Variants in ZNF185 observed in about 807,000 individuals in gnomAD.
The protein encoded by ZNF185 is zinc finger protein 185 with LIM domain.
ZNF185 carries 56 observed loss-of-function variants against 58.6 expected under a neutral mutation model. The observed-to-expected ratio is 0.95, with a 90% CI of 0.77 to 1.19. The LOEUF is 1.19. Ranked by LOEUF, ZNF185 falls within the 50% of genes most tolerant of loss-of-function variation. ZNF185 has a pLI of 0.00. For missense variants in ZNF185, 627 were observed against 573.5 expected, an observed-to-expected ratio of 1.09 and a Z score of -0.95; for synonymous variants, 230 against 215.9, an observed-to-expected ratio of 1.07 and a Z score of -0.57.
chrX:152,970,241 C>T (rs193300133), intron 21 of ZNF185, among the ~76,000 whole-genome samples: 2 of 110,871 alleles, frequency 1.8e-5, no homozygotes, highest in Non-Finnish European at 3.8e-5. Context: ...TTACTACTCC[C>T]TACTGAAAAA....
intron 14 of ZNF185, among the ~76,000 whole-genome samples, chrX:152,936,203 C>A (rs1242086178): frequency 1.8e-5 from 2 of 112,795 alleles, no homozygotes; most frequent in Non-Finnish European, 3.7e-5. Flanking sequence ...TGGGAGATAG[C>A]AAAGCCATGA....
In ZNF185 at chrX:152,920,990, C is replaced by A. The variant is rs1248273934; in HGVS notation, c.656+242C>A. ...TTGCCAATGGCTAATGGGGCTGGGC[C>A]CCTGACCCAACGTGGAGCATTTCCA... On this transcript the variant is annotated intron_variant, in intron 9 of 22. Transcript: ENST00000449285. Among the ~76,000 whole-genome samples the A allele has an allele frequency of 6.2e-5, 7 of 112,590 alleles. No individual in the cohort carries two copies. In the Admixed American group the frequency reaches 6.5e-4, roughly 10 times the overall value.
upstream of ZNF185, among the ~76,000 whole-genome samples, chrX:152,912,159 A>G (rs899603830): frequency 1.9e-4 from 21 of 112,080 alleles, no homozygotes; most frequent in African/African-American, 6.5e-4. Context: ...TGTCTCATCA[A>G]AAAAGAAATT....
At chrX:152,920,786 T>C (rs1461919073) in intron 9 of ZNF185, 38 bp downstream of exon 10, 1 of 1,202,620 alleles carries the variant, frequency 8.3e-7, no homozygotes, top group African/African-American at 1.7e-5. Context: ...GGCCTGTTAC[T>C]GGCCACAGGA....
intron 7 of ZNF185, among the ~76,000 whole-genome samples, chrX:152,919,673 CAGGA>C (rs782181252): frequency 1.8e-5 from 2 of 112,606 alleles, no homozygotes; most frequent in African/African-American, 6.5e-5. Flanking sequence ...TGAACTATGA[CAGGA>C]AGGGTTTGTT....
chrX:152,947,994 G>A (rs930512906), intron 16 of ZNF185, among the ~76,000 whole-genome samples: 23 of 112,506 alleles, frequency 2.0e-4, no homozygotes, highest in Non-Finnish European at 3.6e-4. Flanking sequence ...GAGAAGCAAA[G>A]GCAGATGGAC....
chrX:152,901,289 T>C, the ZNF185 span, among the ~76,000 whole-genome samples: 1 of 106,116 alleles, frequency 9.4e-6, no homozygotes, highest in East Asian at 2.9e-4. Flanking sequence ...TCACCCAGGC[T>C]GGTGTACAGT....
chrX:152,934,774 A>C (rs782117963), intron 14 of ZNF185, among the ~76,000 whole-genome samples: 1 of 111,963 alleles, frequency 8.9e-6, no homozygotes, highest in Non-Finnish European at 1.9e-5. Context: ...GTACAGATGC[A>C]GCCATCCTAT....
chrX:152,936,444 C>A lies in ZNF185; in HGVS notation c.1122-1630C>A, dbSNP rs1379330814. The A allele has an allele frequency of 4.3e-6, 5 of 1,165,382 alleles. No homozygotes were observed. The African/African-American group carries it at 7.2e-5, about 17-fold the overall frequency. Reference sequence around the variant, plus strand: ...CTGTGTGCAGCTGCTAGCTTTGCCTCTTTCCTGGAAGACCAGGATGGGCAC... The same window carrying A: ...CTGTGTGCAGCTGCTAGCTTTGCCTATTTCCTGGAAGACCAGGATGGGCAC... On this transcript the variant is annotated intron_variant, in intron 14 of 22. Transcript: ENST00000449285.
intron 19 of ZNF185, 44 bp from the exon 22 acceptor site, chrX:152,967,123 G>A: frequency 8.9e-7 from 1 of 1,128,942 alleles, no homozygotes; most frequent in Non-Finnish European, 1.2e-6. Context: ...ATAGTGATTT[G>A]GCTCTCATCT....
rs111310453 is a variant in ZNF185 at position 152,920,105 on chromosome X, G to A, written c.531-223G>A. ...CAATGCGAGGATGTTGGCATCTGGC[G>A]CAGAGCCGGGCACATGCCACATGCT... On this transcript the variant is annotated intron_variant, in intron 7 of 22. Transcript: ENST00000449285. Among the ~76,000 whole-genome samples, 418 of 113,354 alleles carry A rather than the reference G, an allele frequency of 3.7e-3. 1 individual carries two copies. The highest frequency in any genetic ancestry group is 6.0e-3 in the Non-Finnish European group (320 of 53,405).
At chrX:152,903,657 C>T in the ZNF185 span, among the ~76,000 whole-genome samples, 1 of 111,490 alleles carries the variant, frequency 9.0e-6, no homozygotes, top group Non-Finnish European at 1.9e-5. Flanking sequence ...GGTCCCTGCC[C>T]AGCCCTCTGT....
rs1372974505 is a variant in ZNF185, at chrX:152,932,378, C to T, written c.1023-495C>T. 6.2e-5 allele frequency among the ~76,000 whole-genome samples: 7 copies of T among 112,575 alleles called. No individual in the cohort carries two copies. The Admixed American group carries it at 6.5e-4, about 11-fold the overall frequency. Reference sequence around the variant, plus strand: ...CCCCAGTCGCTGCACAGCCAGCCCACTGACCTGTCCTCCAAGCCAGACCAG... The same window carrying T: ...CCCCAGTCGCTGCACAGCCAGCCCATTGACCTGTCCTCCAAGCCAGACCAG... On this transcript the variant is annotated intron_variant, in intron 13 of 22. Transcript: ENST00000449285.
chrX:152,907,491 G>A, the ZNF185 span, among the ~76,000 whole-genome samples: 23 of 113,286 alleles, frequency 2.0e-4, no homozygotes, highest in East Asian at 6.4e-3. Flanking sequence ...ATTCAGGGAA[G>A]GCCTGTCCTC....
intron 11 of ZNF185, among the ~76,000 whole-genome samples, chrX:152,927,642 C>G (rs1941117713): frequency 8.9e-6 from 1 of 111,928 alleles, no homozygotes; most frequent in Non-Finnish European, 1.9e-5. Context: ...TTCAGCTGGC[C>G]TGGGTCGGGC....
chrX:152,936,249 G>A (rs2046269846), intron 14 of ZNF185, among the ~76,000 whole-genome samples, 169 bp from the exon 16 acceptor site: 2 of 112,743 alleles, frequency 1.8e-5, no homozygotes, highest in Admixed American at 1.9e-4. Context: ...ATGCCACAGA[G>A]CCCCAGGTGT....
intron 9 of ZNF185, among the ~76,000 whole-genome samples, chrX:152,921,668 A>G (rs1939754015): frequency 9.0e-6 from 1 of 111,542 alleles, no homozygotes; most frequent in Admixed American, 9.5e-5. Context: ...AGGTGTTAGC[A>G]GGGTGGGTTC....
intron 14 of ZNF185, among the ~76,000 whole-genome samples, chrX:152,933,335 C>T (rs1057110651): frequency 4.5e-5 from 5 of 112,016 alleles, no homozygotes; most frequent in African/African-American, 9.7e-5. Context: ...ATGGAAGAGT[C>T]GGCACCTTCT....
At chrX:152,924,579 G>A (rs185086858) in intron 11 of ZNF185, among the ~76,000 whole-genome samples, 1 of 112,245 alleles carries the variant, frequency 8.9e-6, no homozygotes, top group African/African-American at 3.2e-5. Flanking sequence ...ATTTTGGGTG[G>A]CACAAGTCAG....
Sources: gnomAD v4.1 joint callset for allele counts (sites outside exome capture counted in the v4.1 genomes callset) on GRCh38, gnomAD v4.1.1 for gene constraint, MANE v1.5 for transcripts, NCBI Gene and HGNC (gene_info 2026-07-23, HGNC 2026-07-21) for gene names.